Variants in CDYL observed in about 807,000 individuals in gnomAD.
CDYL encodes chromodomain Y-like protein.
In CDYL, 8 loss-of-function variants were observed where a neutral mutation model predicts 47.3. The ratio of observed to expected loss-of-function variants is 0.17; its 90% confidence interval spans 0.10 to 0.31. CDYL has a LOEUF of 0.31. CDYL is among the 10% of genes least tolerant of loss of function. CDYL has a pLI of 1.00. For missense variants in CDYL, 471 were observed against 701.4 expected (o/e 0.67, Z 3.71); for synonymous variants, 266 against 265.0 (o/e 1.00, Z -0.04).
At chr6:4,827,607 G>A (rs1170232693) in intron 1 of CDYL, among the ~76,000 whole-genome samples, 1 of 152,118 alleles carries the variant, frequency 6.6e-6, no homozygotes, top group Non-Finnish European at 1.5e-5. Flanking sequence ...CATATTTTAT[G>A]CATTGTGTGC....
At chr6:4,787,694 A>G (rs1440087259) in intron 1 of CDYL, among the ~76,000 whole-genome samples, 1 of 150,634 alleles carries the variant, frequency 6.6e-6, no homozygotes, top group African/African-American at 2.5e-5. Context: ...TTTGACAGAA[A>G]GGCAGCTGGG....
intron 1 of CDYL, among the ~76,000 whole-genome samples, chr6:4,807,139 C>T (rs1227353679): frequency 6.6e-6 from 1 of 152,182 alleles, no homozygotes; most frequent in Non-Finnish European, 1.5e-5. Flanking sequence ...TTAACTCAGT[C>T]ACCCCACTAA....
At chr6:4,822,633 A>G (rs1561654490) in intron 1 of CDYL, among the ~76,000 whole-genome samples, 1 of 152,174 alleles carries the variant, frequency 6.6e-6, no homozygotes, top group Admixed American at 6.5e-5. Context: ...TGAATGTGTC[A>G]AAGTATGTGT....
At chr6:4,935,453 A>G (rs1758160629) in intron 2 of CDYL, 62 bp from the exon 3 acceptor site, 1 of 1,380,804 alleles carries the variant, frequency 7.2e-7, no homozygotes, top group Non-Finnish European at 1.0e-6. Context: ...TTCAAAGATG[A>G]CACCTGGGAG....
At chr6:4,953,666 G>A (rs1346817809) in intron 6 of CDYL, among the ~76,000 whole-genome samples, 1 of 152,208 alleles carries the variant, frequency 6.6e-6, no homozygotes, top group Non-Finnish European at 1.5e-5. Context: ...GGTGCCGACA[G>A]CCCAGCTCTC....
chr6:4,719,649 C>T (rs1158011735), intron 2 of CDYL, among the ~76,000 whole-genome samples: 1 of 152,132 alleles, frequency 6.6e-6, no homozygotes, highest in Admixed American at 6.6e-5. Context: ...GACAGGAGAA[C>T]GATGATGGGG....
chr6:4,727,244 C>T (rs1757530640), intron 2 of CDYL, among the ~76,000 whole-genome samples: 1 of 152,120 alleles, frequency 6.6e-6, no homozygotes, highest in Non-Finnish European at 1.5e-5. Flanking sequence ...TCCTTTCAAC[C>T]TCTTTGATGT....
Position 4,954,074 on chromosome 6 carries a change from G to C in CDYL, c.*18G>C. Reference sequence around the variant, plus strand: ...AGTTCTGAGTGTCGGGCTGCCCACTGGTGACACCGGGATCGGGCTGAGCAG... The same window carrying C: ...AGTTCTGAGTGTCGGGCTGCCCACTCGTGACACCGGGATCGGGCTGAGCAG... On this transcript the variant is annotated 3_prime_UTR_variant, in exon 7 of 7. Coordinates refer to ENST00000397588, the MANE Select transcript of CDYL (RefSeq NM_004824.4). 1 of 1,609,642 alleles carries C rather than the reference G, an allele frequency of 6.2e-7. No homozygotes were observed. The highest frequency in any genetic ancestry group is 8.5e-7 in the Non-Finnish European group (1 of 1,177,088).
intron 3 of CDYL, among the ~76,000 whole-genome samples, chr6:4,768,825 T>C (rs1482414977): frequency 6.6e-6 from 1 of 152,078 alleles, no homozygotes; most frequent in Non-Finnish European, 1.5e-5. Context: ...GTGATCAAGG[T>C]CAACATCAGC....
chr6:4,715,338 G>A (rs935273955), intron 1 of CDYL, among the ~76,000 whole-genome samples: 5 of 152,220 alleles, frequency 3.3e-5, no homozygotes, highest in Non-Finnish European at 5.9e-5. Flanking sequence ...CTGAAAAAAG[G>A]AAAGGGGATG....
At chr6:4,751,736 T>C (rs1561836452) in intron 3 of CDYL, among the ~76,000 whole-genome samples, 2 of 152,240 alleles carry the variant, frequency 1.3e-5, no homozygotes, top group Non-Finnish European at 2.9e-5. Flanking sequence ...TCAATTTCGT[T>C]TTTAAAACTT....
At chr6:4,915,699 A>G (rs1448623592) in intron 2 of CDYL, among the ~76,000 whole-genome samples, 7 of 152,224 alleles carry the variant, frequency 4.6e-5, no homozygotes, top group African/African-American at 1.7e-4. Flanking sequence ...CCAAAATATA[A>G]CTTGACATAT....
At chr6:4,785,402 C>T (rs1004867699) in intron 1 of CDYL, among the ~76,000 whole-genome samples, 21 of 152,140 alleles carry the variant, frequency 1.4e-4, no homozygotes, top group African/African-American at 5.1e-4. Flanking sequence ...GTAGTAGGCT[C>T]TCTGCTATGT....
chr6:4,865,010 T>C (rs2062284703), intron 1 of CDYL, among the ~76,000 whole-genome samples: 1 of 152,204 alleles, frequency 6.6e-6, no homozygotes, highest in Non-Finnish European at 1.5e-5. Flanking sequence ...TCTCTTATTC[T>C]TTGATTCTCC....
chr6:4,751,785 A>G (rs1411993561), intron 3 of CDYL, among the ~76,000 whole-genome samples: 1 of 152,270 alleles, frequency 6.6e-6, no homozygotes, highest in Non-Finnish European at 1.5e-5. Flanking sequence ...AGAAGAAACC[A>G]TACTTAGAAA....
At chr6:4,929,457 A>G (rs532172981) in intron 2 of CDYL, among the ~76,000 whole-genome samples, 1 of 150,796 alleles carries the variant, frequency 6.6e-6, no homozygotes, top group South Asian at 2.1e-4. Context: ...TCAAATATGG[A>G]AAACTTTCCA....
chr6:4,946,593 G>A (rs1028743293), intron 5 of CDYL, among the ~76,000 whole-genome samples: 1 of 152,182 alleles, frequency 6.6e-6, no homozygotes, highest in African/African-American at 2.4e-5. Context: ...GTGACGCAGG[G>A]GTCTAGGCTG....
At chr6:4,932,527 C>T (rs1423513013) in intron 2 of CDYL, among the ~76,000 whole-genome samples, 1 of 152,176 alleles carries the variant, frequency 6.6e-6, no homozygotes, top group African/African-American at 2.4e-5. Flanking sequence ...TGGCACCAGG[C>T]CTTCCCTGTG....
chr6:4,776,852 C>T, intron 1 of CDYL, 45 bp downstream of exon 1: 4 of 763,166 alleles, frequency 5.2e-6, no homozygotes, highest in Non-Finnish European at 4.7e-6. Context: ...CGCCCGCCGC[C>T]CCTCCCGGCC....
Sources: allele counts gnomAD v4.1 joint callset (sites outside exome capture counted in the v4.1 genomes callset), GRCh38; gene constraint gnomAD v4.1.1; transcripts MANE v1.5; gene names NCBI Gene and HGNC (gene_info 2026-07-23, HGNC 2026-07-21).